The following LINGO2 variants were observed in gnomAD, a reference collection of about 807,000 sequenced individuals.
The protein encoded by LINGO2 is leucine rich repeat and Ig domain containing 2.
Under a neutral mutation model 30.6 loss-of-function variants are expected in LINGO2, and 14 were observed. The observed-to-expected ratio is 0.46, with a 90% CI of 0.30 to 0.72. LINGO2 has a LOEUF of 0.72. Among genes scored for constraint, LINGO2 ranks in the 30% least tolerant of loss-of-function variants. The pLI is 0.07. For missense variants in LINGO2, 729 were observed against 751.7 expected (o/e 0.97, Z 0.35); for synonymous variants, 317 against 288.5 (o/e 1.10, Z -1.00).
intron 1 of LINGO2, among the ~76,000 whole-genome samples, chr9:28,605,275 TTTTTC>T (rs1272459255): frequency 6.6e-6 from 1 of 151,980 alleles, no homozygotes; most frequent in African/African-American, 2.4e-5. Flanking sequence ...ATCTGTTTCT[TTTTTC>T]TTTTCATTGT....
At position 28,147,696 on chromosome 9, in the gene LINGO2, G is replaced by C. The variant is rs989790454; in HGVS notation, c.-86-135291C>G. 2.0e-5 allele frequency among the ~76,000 whole-genome samples: 3 copies of C among 151,958 alleles called. No individual in the cohort carries two copies. The highest frequency in any genetic ancestry group is 4.8e-5 in the African/African-American group (2 of 41,302). On this transcript the variant is annotated intron_variant, in intron 4 of 5. Coordinates refer to ENST00000379992, the Ensembl canonical transcript of LINGO2. This position sits in a 1 kb window ranked among gnomAD's most constrained non-coding sequence, Gnocchi z 4.7. ...AGCCCCGCACCCCCAACAGCCCCAC[G>C]GGGGGGCCCGTCCAGGGCCACACAA...
At chr9:29,001,175 T>C in the LINGO2 span, among the ~76,000 whole-genome samples, 2 of 151,864 alleles carry the variant, frequency 1.3e-5, no homozygotes, top group African/African-American at 2.4e-5. Context: ...AGTCAAAAAA[T>C]TTTGAAAGCT....
the LINGO2 span, among the ~76,000 whole-genome samples, chr9:28,757,738 C>T: frequency 4.0e-5 from 6 of 151,840 alleles, no homozygotes; most frequent in African/African-American, 1.5e-4. Context: ...CCCTGGAGTC[C>T]AGGGGTGGGA....
chr9:28,298,944 T>C (rs922054180), intron 3 of LINGO2, among the ~76,000 whole-genome samples: 8 of 152,218 alleles, frequency 5.3e-5, no homozygotes, highest in Admixed American at 2.0e-4. Context: ...GGCCTGGCCC[T>C]AAGTGCCAGT....
chr9:29,019,968 T>G, the LINGO2 span, among the ~76,000 whole-genome samples: 4 of 152,190 alleles, frequency 2.6e-5, no homozygotes, highest in South Asian at 8.3e-4. Flanking sequence ...GAGAAAGAAT[T>G]TGCAATTTCA....
At chr9:29,000,189 C>A in the LINGO2 span, among the ~76,000 whole-genome samples, 69,195 of 151,628 alleles carry the variant, frequency 0.46, 16,457 homozygotes, top group Non-Finnish European at 0.53. Flanking sequence ...TTCGGCATGG[C>A]CCTATGGACA....
chr9:29,213,323 T>G, the LINGO2 span, among the ~76,000 whole-genome samples: 7 of 152,094 alleles, frequency 4.6e-5, no homozygotes, highest in Non-Finnish European at 8.8e-5. Context: ...TTGGAAAAAT[T>G]TCTACTCCCT....
chr9:28,514,608 G>C lies in LINGO2; in HGVS notation c.-364-38583C>G, dbSNP rs574527904. Among the ~76,000 whole-genome samples the C allele has an allele frequency of 3.9e-5, 6 of 152,260 alleles. 1 individual carries two copies. In the Middle Eastern group the frequency reaches 0.01, roughly 259 times the overall value. On this transcript the variant is annotated intron_variant, in intron 1 of 5. Transcript: ENST00000379992. ...TTCTATTATATCAAGGATGAAAGACGTGAAGAAGCTGCATAAGAAAAATTA... is the reference window on the plus strand; with the variant it reads ...TTCTATTATATCAAGGATGAAAGACCTGAAGAAGCTGCATAAGAAAAATTA...
Position 28,533,184 on chromosome 9 carries a change from C to T in LINGO2, c.-364-57159G>A, listed in dbSNP as rs368899130. 6.6e-5 allele frequency among the ~76,000 whole-genome samples: 10 copies of T among 152,190 alleles called. No homozygotes were observed. In the East Asian group the frequency reaches 1.2e-3, roughly 18 times the overall value. ...TGAGTTTTCCGGCCTTCATCTTGCTCGGGTGCTGGTTGCTTCCTGTCCTAG... is the reference window on the plus strand; with the variant it reads ...TGAGTTTTCCGGCCTTCATCTTGCTTGGGTGCTGGTTGCTTCCTGTCCTAG... On this transcript the variant is annotated intron_variant, in intron 1 of 5. Transcript: ENST00000379992.
chr9:29,129,796 T>C, the LINGO2 span, among the ~76,000 whole-genome samples: 1 of 152,020 alleles, frequency 6.6e-6, no homozygotes, highest in Non-Finnish European at 1.5e-5. Context: ...GTGTTTTTGG[T>C]AGGTAAGGTT....
At chr9:28,460,267 A>G (rs780775580) in intron 2 of LINGO2, among the ~76,000 whole-genome samples, 1 of 152,212 alleles carries the variant, frequency 6.6e-6, no homozygotes, top group Non-Finnish European at 1.5e-5. Flanking sequence ...CACATAAGAT[A>G]TATCTCTTCT....
At chr9:28,024,065 T>G (rs369484258) in intron 4 of LINGO2, among the ~76,000 whole-genome samples, 99 of 152,276 alleles carry the variant, frequency 6.5e-4, no homozygotes, top group African/African-American at 2.2e-3. Flanking sequence ...ATGTCACCAA[T>G]TTTTCAGTTT....
intron 4 of LINGO2, among the ~76,000 whole-genome samples, chr9:28,029,341 C>A (rs184319430): frequency 6.6e-6 from 1 of 152,082 alleles, no homozygotes; most frequent in African/African-American, 2.4e-5. Flanking sequence ...TGTTCTGCTG[C>A]GTTTGATCTG....
At chr9:28,244,937 C>T (rs1011449158) in intron 4 of LINGO2, among the ~76,000 whole-genome samples, 1 of 152,132 alleles carries the variant, frequency 6.6e-6, no homozygotes, top group Non-Finnish European at 1.5e-5. Context: ...AGTAAGGACT[C>T]CTCCCTAACT....
intron 4 of LINGO2, among the ~76,000 whole-genome samples, chr9:28,031,611 C>T (rs2119442754): frequency 6.6e-6 from 1 of 152,248 alleles, no homozygotes; most frequent in East Asian, 1.9e-4. Flanking sequence ...AAAGTGGGGA[C>T]AGTCTGGTGT....
the LINGO2 span, among the ~76,000 whole-genome samples, chr9:28,756,204 G>T: frequency 6.6e-6 from 1 of 151,962 alleles, no homozygotes; most frequent in Non-Finnish European, 1.5e-5. Context: ...GTGAGATGTG[G>T]AGTGAAAGGA....
At chr9:29,115,392 A>C in the LINGO2 span, among the ~76,000 whole-genome samples, 1 of 152,074 alleles carries the variant, frequency 6.6e-6, no homozygotes, top group South Asian at 2.1e-4. Context: ...TGTTCAAATA[A>C]TATTTCTATT....
At chr9:28,366,449 T>A (rs1161812827) in intron 3 of LINGO2, among the ~76,000 whole-genome samples, 2 of 152,202 alleles carry the variant, frequency 1.3e-5, no homozygotes, top group African/African-American at 2.4e-5. Context: ...AGCTCATGTT[T>A]TTATCACTTG....
chr9:28,125,355 CT>C (rs1827207397), intron 4 of LINGO2, among the ~76,000 whole-genome samples: 2 of 152,112 alleles, frequency 1.3e-5, no homozygotes, highest in Non-Finnish European at 2.9e-5. Context: ...TTTTAGCAGT[CT>C]ATATTTAATA....
Sources: allele counts gnomAD v4.1 joint callset (sites outside exome capture counted in the v4.1 genomes callset), GRCh38; gene constraint gnomAD v4.1.1; non-coding constraint Gnocchi (gnomAD v3.1); transcripts MANE v1.5; gene names NCBI Gene and HGNC (gene_info 2026-07-23, HGNC 2026-07-21).